Variants in CELF2 observed in about 807,000 individuals in gnomAD.
The protein encoded by CELF2 is CUGBP Elav-like family member 2.
In CELF2, 8 loss-of-function variants were observed where a neutral mutation model predicts 62.6. That is an observed-to-expected ratio of 0.13 (90% CI 0.07 to 0.23). The LOEUF is 0.23. Among genes scored for constraint, CELF2 ranks in the 10% least tolerant of loss-of-function variants. The pLI is 1.00. For synonymous variants in CELF2, 258 were observed against 250.0 expected (o/e 1.03, Z -0.30); for missense variants, 333 against 671.0 (o/e 0.50, Z 5.56).
chr10:11,064,127 G>C (rs117367446), intron 1 of CELF2, among the ~76,000 whole-genome samples: 568 of 152,146 alleles, frequency 3.7e-3, no homozygotes, highest in Non-Finnish European at 7.2e-3. Context: ...TTGTTGTTTC[G>C]GGCAAAAGAT....
chr10:10,469,955 A>G, the CELF2 span, among the ~76,000 whole-genome samples: 1 of 151,892 alleles, frequency 6.6e-6, no homozygotes, highest in Admixed American at 6.6e-5. Context: ...TGAAAATCTG[A>G]AATCCAAAAT....
intron 1 of CELF2, among the ~76,000 whole-genome samples, chr10:11,057,739 A>G (rs1377633929): frequency 1.3e-5 from 2 of 152,210 alleles, no homozygotes; most frequent in African/African-American, 4.8e-5. Flanking sequence ...CTTCGGGAAT[A>G]CAGGAGTCAC....
At chr10:10,733,266 C>T in the CELF2 span, among the ~76,000 whole-genome samples, 2 of 152,152 alleles carry the variant, frequency 1.3e-5, no homozygotes. Context: ...TTGTTTGAAT[C>T]ACATGGCTCG....
chr10:11,081,465 A>T (rs556323669), intron 1 of CELF2, among the ~76,000 whole-genome samples: 1 of 152,092 alleles, frequency 6.6e-6, no homozygotes, highest in Middle Eastern at 3.5e-3. Flanking sequence ...GGGAAAGAGC[A>T]TTCACGTTCC....
chr10:10,981,920 C>T (rs1052167657), intron 2 of CELF2, among the ~76,000 whole-genome samples: 3 of 150,878 alleles, frequency 2.0e-5, no homozygotes, highest in African/African-American at 7.3e-5. Flanking sequence ...TTGTAACTGC[C>T]TGGTAGACCC....
the CELF2 span, among the ~76,000 whole-genome samples, chr10:10,512,995 T>C: frequency 1.3e-5 from 2 of 152,160 alleles, no homozygotes; most frequent in Non-Finnish European, 2.9e-5. Context: ...ACTGATACAT[T>C]CAATACCATG....
At chr10:10,531,082 A>G in the CELF2 span, among the ~76,000 whole-genome samples, 1 of 152,214 alleles carries the variant, frequency 6.6e-6, no homozygotes, top group Non-Finnish European at 1.5e-5. Flanking sequence ...CTAAAAATCA[A>G]TGCTTGATGT....
At chr10:10,537,370 G>C in the CELF2 span, among the ~76,000 whole-genome samples, 1 of 152,178 alleles carries the variant, frequency 6.6e-6, no homozygotes, top group Non-Finnish European at 1.5e-5. Context: ...ACAATGTGAA[G>C]AATCCAAGGA....
At chr10:11,087,589 A>G (rs1409175513) in intron 1 of CELF2, among the ~76,000 whole-genome samples, 2 of 152,248 alleles carry the variant, frequency 1.3e-5, no homozygotes, top group African/African-American at 2.4e-5. Flanking sequence ...ATGCCAGTGC[A>G]TTAAAGCAAG....
At position 11,156,227 on chromosome 10, in the gene CELF2, G is replaced by A. The variant is rs1215455628; in HGVS notation, c.75-9259G>A. Among the ~76,000 whole-genome samples, 1 of 152,196 alleles carries A rather than the reference G, an allele frequency of 6.6e-6. No homozygotes were observed. Among genetic ancestry groups the A allele is most frequent in the East Asian group, 1.9e-4 (1 of 5,198 alleles). On this transcript the variant is annotated intron_variant, in intron 1 of 12. Coordinates refer to ENST00000633077, the MANE Select transcript of CELF2 (RefSeq NM_001326342.2). The surrounding 1 kb of genome is among the most constrained non-coding windows in gnomAD (Gnocchi z 4.3). ...ACTCAGTAACTGACTAGTAATAGGT[G>A]TGTTGACTCTCGGATTTAATAGGAC...
At chr10:11,166,331 A>T (rs1257283026) in intron 2 of CELF2, among the ~76,000 whole-genome samples, 1 of 152,090 alleles carries the variant, frequency 6.6e-6, no homozygotes, top group Non-Finnish European at 1.5e-5. Context: ...TGTGGAGATG[A>T]AGGTATAGGA....
chr10:10,674,995 G>A, the CELF2 span, among the ~76,000 whole-genome samples: 66 of 150,674 alleles, frequency 4.4e-4, 1 homozygote, highest in East Asian at 0.012. Flanking sequence ...AGTTGAAATT[G>A]TTGTTGTGAT....
chr10:10,562,075 T>C, the CELF2 span, among the ~76,000 whole-genome samples: 1 of 152,176 alleles, frequency 6.6e-6, no homozygotes, highest in Non-Finnish European at 1.5e-5. Flanking sequence ...CAATCAACAC[T>C]GCTGTTGGTT....
At chr10:10,670,192 G>T in the CELF2 span, among the ~76,000 whole-genome samples, 1 of 152,074 alleles carries the variant, frequency 6.6e-6, no homozygotes, top group Non-Finnish European at 1.5e-5. Context: ...GTGAGCCATC[G>T]CTCCTGGCCT....
the CELF2 span, among the ~76,000 whole-genome samples, chr10:10,737,286 A>C: frequency 2.0e-5 from 3 of 152,152 alleles, no homozygotes; most frequent in Non-Finnish European, 2.9e-5. Flanking sequence ...AGGGGATTCT[A>C]GTACTTTATA....
chr10:10,919,528 C>T (rs986878996), intron 1 of CELF2, among the ~76,000 whole-genome samples: 13 of 152,202 alleles, frequency 8.5e-5, no homozygotes, highest in African/African-American at 2.9e-4. Context: ...TCATAAGCTT[C>T]GGGTGACAGA....
chr10:11,269,577 A>G lies in CELF2; in HGVS notation c.619-1089A>G, dbSNP rs1215076625. 6.6e-6 allele frequency among the ~76,000 whole-genome samples: 1 copy of G among 152,216 alleles called. No individual in the cohort carries two copies. Among genetic ancestry groups the G allele is most frequent in the Non-Finnish European group, 1.5e-5 (1 of 68,040 alleles). Reference sequence around the variant, plus strand: ...AAGTTTTTATTTTAATCACTTGGGTAGAATTACTTCTTTATGCCTCAGCAA... The same window carrying G: ...AAGTTTTTATTTTAATCACTTGGGTGGAATTACTTCTTTATGCCTCAGCAA... On this transcript the variant is annotated intron_variant, in intron 6 of 12. Transcript: ENST00000633077. The surrounding 1 kb of genome is among the most constrained non-coding windows in gnomAD (Gnocchi z 4.4).
intron 2 of CELF2, among the ~76,000 whole-genome samples, chr10:11,196,412 A>G (rs1236404684): frequency 6.6e-6 from 1 of 152,262 alleles, no homozygotes; most frequent in Non-Finnish European, 1.5e-5. Flanking sequence ...CTGTAATCCC[A>G]GCACTTTGGG....
intron 2 of CELF2, chr10:10,948,197 C>A (rs2047917079): frequency 6.6e-6 from 1 of 152,266 alleles, no homozygotes; most frequent in Non-Finnish European, 1.5e-5. Context: ...CATAGTCCTC[C>A]AGTTCTGTAT....
Sources: gnomAD v4.1 joint callset for allele counts (sites outside exome capture counted in the v4.1 genomes callset) on GRCh38, gnomAD v4.1.1 for gene constraint, Gnocchi (gnomAD v3.1) non-coding constraint, MANE v1.5 for transcripts, NCBI Gene and HGNC (gene_info 2026-07-23, HGNC 2026-07-21) for gene names.